Variants in RUNDC3B observed in about 807,000 individuals in gnomAD.
RUNDC3B encodes RUN domain containing 3B.
In RUNDC3B, 33 loss-of-function variants were observed where a neutral mutation model predicts 58.4. That is an observed-to-expected ratio of 0.56 (90% confidence interval 0.43 to 0.75). The LOEUF is 0.75. Among genes scored for constraint, RUNDC3B ranks in the 30% least tolerant of loss-of-function variants. The pLI, the probability that RUNDC3B is intolerant of heterozygous loss-of-function variation, is 0.00. For synonymous variants in RUNDC3B, 193 were observed against 195.2 expected (o/e 0.99, Z 0.10); for missense variants, 501 against 535.7 (o/e 0.94, Z 0.64).
intron 6 of RUNDC3B, among the ~76,000 whole-genome samples, chr7:87,754,753 G>T (rs1373100624): frequency 2.0e-5 from 3 of 151,690 alleles, no homozygotes; most frequent in Non-Finnish European, 4.4e-5. Flanking sequence ...CAAAGGGGAT[G>T]TTACCATAGA....
chr7:87,755,478 TA>T lies in RUNDC3B; in HGVS notation c.629+13900del, dbSNP rs1467885243. On this transcript the variant is annotated intron_variant, in intron 6 of 10. Coordinates refer to ENST00000394654, the MANE Select transcript of RUNDC3B (RefSeq NM_001134405.2). ...GGCCAGTATCCTTGATGAACATTAT[TA>T]CAAAAATCCTCAACAAAATACTGGC... is the stretch of plus-strand genomic sequence containing the variant. Among the ~76,000 whole-genome samples, 3 of 152,180 alleles carry T rather than the reference TA, an allele frequency of 2.0e-5. No homozygotes were observed. In the East Asian group the frequency reaches 5.8e-4, roughly 29 times the overall value.
chr7:87,781,152 T>C, intron 8 of RUNDC3B, among the ~76,000 whole-genome samples: 1 of 152,186 alleles, frequency 6.6e-6, no homozygotes, highest in Non-Finnish European at 1.5e-5. Context: ...TTATGTCATT[T>C]GTGATTTCTT....
intron 1 of RUNDC3B, among the ~76,000 whole-genome samples, 157 bp from the exon 2 acceptor site, chr7:87,650,665 A>G (rs945182066): frequency 1.3e-5 from 2 of 152,162 alleles, no homozygotes; most frequent in Non-Finnish European, 2.9e-5. Context: ...AAAAATTTCC[A>G]TTTACAGAGT....
intron 4 of RUNDC3B, among the ~76,000 whole-genome samples, chr7:87,714,450 G>A (rs760996716): frequency 1.3e-5 from 2 of 152,158 alleles, no homozygotes; most frequent in African/African-American, 2.4e-5. Context: ...GTATATAGAA[G>A]TACAGTACAT....
At chr7:87,795,970 A>G (rs1835797327) in intron 8 of RUNDC3B, among the ~76,000 whole-genome samples, 1 of 151,994 alleles carries the variant, frequency 6.6e-6, no homozygotes, top group South Asian at 2.1e-4. Context: ...TACCCAAAAG[A>G]AAGGCAATCA....
intron 8 of RUNDC3B, among the ~76,000 whole-genome samples, chr7:87,780,287 T>C (rs1198133052): frequency 6.6e-6 from 1 of 152,184 alleles, no homozygotes; most frequent in Non-Finnish European, 1.5e-5. Flanking sequence ...CCTTATCATC[T>C]GTTGTTTTGC....
At chr7:87,725,268 G>T (rs762190077) in intron 4 of RUNDC3B, among the ~76,000 whole-genome samples, 1 of 152,132 alleles carries the variant, frequency 6.6e-6, no homozygotes, top group Non-Finnish European at 1.5e-5. Context: ...AGGCCCCGGT[G>T]TGTGATGTTC....
At chr7:87,816,642 C>T (rs956346461) in intron 10 of RUNDC3B, among the ~76,000 whole-genome samples, 1 of 152,148 alleles carries the variant, frequency 6.6e-6, no homozygotes, top group Non-Finnish European at 1.5e-5. Flanking sequence ...CACAACTGAC[C>T]ACTTCCTCAT....
intron 1 of RUNDC3B, among the ~76,000 whole-genome samples, chr7:87,645,820 G>T (rs539943048): frequency 6.6e-6 from 1 of 152,282 alleles, no homozygotes; most frequent in Admixed American, 6.5e-5. Flanking sequence ...TGAGTATTGA[G>T]TGGGAAGAAT....
intron 8 of RUNDC3B, among the ~76,000 whole-genome samples, chr7:87,788,060 TC>T: frequency 6.6e-6 from 1 of 152,312 alleles, no homozygotes; most frequent in Non-Finnish European, 1.5e-5. Flanking sequence ...TTTTTGTCAG[TC>T]ATATGTTTGA....
At chr7:87,773,322 CA>C (rs760846940) in intron 7 of RUNDC3B, among the ~76,000 whole-genome samples, 5,363 of 58,214 alleles carry the variant, frequency 0.092, 33 homozygotes, top group African/African-American at 0.13. Context: ...GACTCCGTCT[CA>C]AAAAAAAAAA....
At chr7:87,630,006 C>G (rs1413859246) in intron 1 of RUNDC3B, among the ~76,000 whole-genome samples, 2 of 151,580 alleles carry the variant, frequency 1.3e-5, no homozygotes, top group Non-Finnish European at 2.9e-5. Flanking sequence ...TTCTTTAAGT[C>G]TTATATCTGA....
intron 6 of RUNDC3B, among the ~76,000 whole-genome samples, chr7:87,747,227 A>C (rs1832692748): frequency 6.6e-6 from 1 of 151,940 alleles, no homozygotes; most frequent in Non-Finnish European, 1.5e-5. Context: ...GCCTAGCTGT[A>C]GTGATTGTTG....
At position 87,777,885 on chromosome 7, in the gene RUNDC3B, G is replaced by C. The variant is rs1834724291; in HGVS notation, c.886G>C (p.Asp296His). Residue 296 changes from aspartate (D) to histidine (H), a missense_variant, in exon 8 of 11, where the codon GAT becomes CAT. Physicochemically the swap from Asp to His is moderately conservative, Grantham distance 81 (BLOSUM62 -1). Coordinates refer to ENST00000394654, the MANE Select transcript of RUNDC3B (RefSeq NM_001134405.2). ...TAAAATACTACTTCAAAGGATTGAA[G>C]ATTCCGATCTGGCTCATAAACTGGA... ...QNKILLQRIEDSDLAHKLEKE... is the reference protein window; with the variant it reads ...QNKILLQRIEHSDLAHKLEKE... The C allele has an allele frequency of 6.2e-7, 1 of 1,613,436 alleles. No homozygotes were observed. Among genetic ancestry groups the C allele is most frequent in the Non-Finnish European group, 8.5e-7 (1 of 1,179,624 alleles).
At chr7:87,732,700 A>G (rs1157645825) in intron 4 of RUNDC3B, among the ~76,000 whole-genome samples, 1 of 152,144 alleles carries the variant, frequency 6.6e-6, no homozygotes, top group African/African-American at 2.4e-5. Context: ...ACCAGCATTT[A>G]TTATTAAGTT....
At chr7:87,661,655 A>G (rs1164761406) in intron 2 of RUNDC3B, among the ~76,000 whole-genome samples, 1 of 151,596 alleles carries the variant, frequency 6.6e-6, no homozygotes, top group African/African-American at 2.4e-5. Flanking sequence ...CATTTTCTTT[A>G]TTCATTTGTC....
chr7:87,719,092 AACACAGGTAACATAGTT>A (rs1830719242), intron 4 of RUNDC3B, among the ~76,000 whole-genome samples: 1 of 152,120 alleles, frequency 6.6e-6, no homozygotes, highest in Non-Finnish European at 1.5e-5. Flanking sequence ...TAACACAGGT[AACACAGGTAACATAGTT>A]ACACAGGTAA....
intron 4 of RUNDC3B, among the ~76,000 whole-genome samples, chr7:87,720,542 A>ATGTG (rs3028189): frequency 0.017 from 2,409 of 145,232 alleles, 44 homozygotes; most frequent in African/African-American, 0.048. Context: ...GATAGGATAT[A>ATGTG]TGTGTGTGTG....
chr7:87,821,530 G>GA (rs1197181961), intron 10 of RUNDC3B, among the ~76,000 whole-genome samples: 1 of 152,016 alleles, frequency 6.6e-6, no homozygotes, highest in African/African-American at 2.4e-5. Context: ...CACAGAATTG[G>GA]AAAAAACTAC....
Sources: allele counts gnomAD v4.1 joint callset (sites outside exome capture counted in the v4.1 genomes callset), GRCh38; gene constraint gnomAD v4.1.1; transcripts MANE v1.5; gene names NCBI Gene and HGNC (gene_info 2026-07-23, HGNC 2026-07-21).